The following AGK variants were observed in gnomAD, a reference collection of about 807,000 sequenced individuals.
AGK encodes the protein acylglycerol kinase, mitochondrial.
A neutral mutation model predicts 66.4 loss-of-function variants in AGK; 52 were observed. That is an observed-to-expected ratio of 0.78 (90% confidence interval 0.63 to 0.99). AGK has a LOEUF of 0.99. Among genes scored for constraint, AGK ranks in the 50% least tolerant of loss-of-function variants. The pLI is 0.00. For synonymous variants in AGK, 182 were observed against 181.1 expected (o/e 1.00, Z -0.04); for missense variants, 451 against 506.6 (o/e 0.89, Z 1.05).
chr7:141,601,335 C>A, intron 5 of AGK, 55 bp downstream of exon 5: 1 of 1,410,326 alleles, frequency 7.1e-7, no homozygotes, highest in Non-Finnish European at 9.9e-7. Context: ...CTTATAACAA[C>A]CTCTTCTCTT....
At chr7:141,620,792 C>T (rs1484529738) in intron 8 of AGK, among the ~76,000 whole-genome samples, 1 of 152,178 alleles carries the variant, frequency 6.6e-6, no homozygotes, top group South Asian at 2.1e-4. Context: ...ACTTCTGGCA[C>T]TGGTGGGGAA....
chr7:141,595,421 C>A (rs894373472), intron 3 of AGK, among the ~76,000 whole-genome samples: 2 of 152,082 alleles, frequency 1.3e-5, no homozygotes, highest in African/African-American at 4.8e-5. Context: ...AAACTTCTTA[C>A]AAAGAAATAG....
At chr7:141,556,519 T>C (rs1029418726) in intron 2 of AGK, among the ~76,000 whole-genome samples, 3 of 141,688 alleles carry the variant, frequency 2.1e-5, no homozygotes, top group African/African-American at 8.0e-5. Context: ...CTAGCCTGGG[T>C]GAGGGAGTGA....
At position 141,641,412 on chromosome 7, in the gene AGK, C is replaced by T. The variant is rs41275003; in HGVS notation, c.877+14C>T. 7.2e-4 allele frequency: 1,147 copies of T among 1,603,852 alleles called. No individual in the cohort carries two copies. The highest frequency in any genetic ancestry group is 9.3e-4 in the Non-Finnish European group (1,095 of 1,176,608). ...AACCACAGGATGGTGAGCAATGTGGCGACTAAAGATTGGAGGGCCCTGGTC... is the reference window on the plus strand; with the variant it reads ...AACCACAGGATGGTGAGCAATGTGGTGACTAAAGATTGGAGGGCCCTGGTC... On this transcript the variant is annotated intron_variant, in intron 12 of 15. Coordinates refer to ENST00000649286, the MANE Select transcript of AGK (RefSeq NM_018238.4).
At chr7:141,575,085 A>G (rs570947072) in intron 2 of AGK, among the ~76,000 whole-genome samples, 1 of 152,354 alleles carries the variant, frequency 6.6e-6, no homozygotes, top group African/African-American at 2.4e-5. Flanking sequence ...AATGGTAGTA[A>G]TCACTATAGT....
chr7:141,611,018 A>C (rs927198543), intron 5 of AGK, among the ~76,000 whole-genome samples, 177 bp from the exon 6 acceptor site: 11 of 152,226 alleles, frequency 7.2e-5, no homozygotes, highest in Non-Finnish European at 1.5e-5. Context: ...TAAAAGTGTA[A>C]AACTGTAACG....
chr7:141,556,982 T>C (rs1218167555), intron 2 of AGK, among the ~76,000 whole-genome samples: 1 of 152,226 alleles, frequency 6.6e-6, no homozygotes, highest in African/African-American at 2.4e-5. Flanking sequence ...ATAAAAATTA[T>C]ACAAAAGACA....
At chr7:141,627,839 A>T (rs1562978209) in intron 9 of AGK, among the ~76,000 whole-genome samples, 3 of 152,228 alleles carry the variant, frequency 2.0e-5, no homozygotes, top group Non-Finnish European at 1.5e-5. Flanking sequence ...GAAGTAATCC[A>T]TCCCAGAGTA....
intron 2 of AGK, among the ~76,000 whole-genome samples, chr7:141,575,394 T>C (rs1795712588): frequency 6.6e-6 from 1 of 152,202 alleles, no homozygotes; most frequent in South Asian, 2.1e-4. Context: ...CCTGCTTAAG[T>C]GAACATACCA....
chr7:141,604,802 T>C (rs1796422619), intron 5 of AGK, among the ~76,000 whole-genome samples: 1 of 152,060 alleles, frequency 6.6e-6, no homozygotes, highest in Admixed American at 6.6e-5. Flanking sequence ...CAGGATGGTC[T>C]CGATCTCTTG....
At chr7:141,613,719 CCTT>C (rs999156960) in intron 6 of AGK, among the ~76,000 whole-genome samples, 15 of 152,096 alleles carry the variant, frequency 9.9e-5, no homozygotes, top group African/African-American at 2.9e-4. Flanking sequence ...AGAATACTAT[CCTT>C]CTTCATATTT....
intron 2 of AGK, among the ~76,000 whole-genome samples, chr7:141,557,101 A>G (rs937510969): frequency 1.3e-5 from 2 of 152,244 alleles, no homozygotes; most frequent in African/African-American, 2.4e-5. Flanking sequence ...AAAACAGAAC[A>G]GTTACTCTTT....
intron 5 of AGK, among the ~76,000 whole-genome samples, chr7:141,605,860 G>A (rs1366135708): frequency 6.6e-6 from 1 of 152,136 alleles, no homozygotes; most frequent in African/African-American, 2.4e-5. Context: ...TGACATGAAA[G>A]CTCCAAGACA....
At chr7:141,646,050 G>C (rs1356752173) in intron 13 of AGK, among the ~76,000 whole-genome samples, 1 of 152,122 alleles carries the variant, frequency 6.6e-6, no homozygotes, top group African/African-American at 2.4e-5. Context: ...CTGCTGGAGA[G>C]AGGCCACAGC....
intron 9 of AGK, among the ~76,000 whole-genome samples, chr7:141,630,525 G>T (rs1348920077): frequency 6.6e-6 from 1 of 152,004 alleles, no homozygotes; most frequent in African/African-American, 2.4e-5. Context: ...ATACAAGTGT[G>T]ATTTATCAAT....
At chr7:141,614,751 A>C (rs1796671217) in intron 7 of AGK, among the ~76,000 whole-genome samples, 1 of 151,888 alleles carries the variant, frequency 6.6e-6, no homozygotes, top group Admixed American at 6.6e-5. Flanking sequence ...TAGTTTTAGA[A>C]GGGACTTTCA....
At chr7:141,569,449 G>C (rs915329092) in intron 2 of AGK, among the ~76,000 whole-genome samples, 2 of 152,160 alleles carry the variant, frequency 1.3e-5, no homozygotes, top group South Asian at 4.1e-4. Flanking sequence ...CAGGAGAATT[G>C]TTTGAACCCG....
At chr7:141,623,898 C>T (rs112112097) in intron 9 of AGK, among the ~76,000 whole-genome samples, 1 of 152,040 alleles carries the variant, frequency 6.6e-6, no homozygotes, top group Non-Finnish European at 1.5e-5. Context: ...ACTTTAAGTT[C>T]AAGCCAATGC....
chr7:141,630,380 G>A lies in AGK; in HGVS notation c.589-3521G>A, dbSNP rs530654851. Among the ~76,000 whole-genome samples the A allele has an allele frequency of 5.7e-4, 86 of 152,126 alleles. 1 individual carries two copies. The highest frequency in any genetic ancestry group is 3.3e-3 in the Admixed American group (50 of 15,286). ...CAGGGTGACTATAGTTGATAATAAC[G>A]TATATTTAAACATAACTAAGAGAAT... On this transcript the variant is annotated intron_variant, in intron 9 of 15. Coordinates refer to ENST00000649286, the MANE Select transcript of AGK (RefSeq NM_018238.4).
Sources: gnomAD v4.1 joint callset for allele counts (sites outside exome capture counted in the v4.1 genomes callset) on GRCh38, gnomAD v4.1.1 for gene constraint, MANE v1.5 for transcripts, NCBI Gene and HGNC (gene_info 2026-07-23, HGNC 2026-07-21) for gene names.